ZNF624: variants seen among roughly 807,000 people sequenced by gnomAD.
ZNF624 encodes the protein zinc finger protein 624.
Under a neutral mutation model 74.7 loss-of-function variants are expected in ZNF624, and 43 were observed. The ratio of observed to expected loss-of-function variants is 0.58; its 90% confidence interval spans 0.45 to 0.74. ZNF624 has a LOEUF of 0.74. Ranked by LOEUF, ZNF624 falls within the 30% of genes least tolerant of loss-of-function variation. ZNF624 has a pLI of 0.00. For synonymous variants in ZNF624, 331 were observed against 341.3 expected (o/e 0.97, Z 0.33); for missense variants, 820 against 1,030.0 (o/e 0.80, Z 2.79).
In ZNF624 at chr17:16,620,786, ATTAAC is replaced by A. The variant is rs368211743; in HGVS notation, c.*1497_*1501del. On this transcript the variant is annotated 3_prime_UTR_variant, in exon 6 of 6. Transcript: ENST00000311331. The stretch of plus-strand genomic sequence containing the variant: ...ATTACAGGTTCATTGCAAGGAAAAA[ATTAAC>A]TTAAAAACACAGAAAAGAAAGTAAA... 2.4e-4 allele frequency: 37 copies of A among 152,332 alleles called. No homozygotes were observed. The East Asian group carries it at 6.0e-3, about 25-fold the overall frequency. 9.4% of individuals were successfully genotyped at this position (152,332 alleles called of 1,614,324 possible).
chr17:16,643,994 T>C (rs1239005204), intron 3 of ZNF624, among the ~76,000 whole-genome samples: 1 of 152,150 alleles, frequency 6.6e-6, no homozygotes, highest in Non-Finnish European at 1.5e-5. Context: ...TGGTAATGAG[T>C]GAGTTCTCCC....
At chr17:16,635,056 A>AAATAT (rs1909295409) in intron 3 of ZNF624, among the ~76,000 whole-genome samples, 1 of 152,178 alleles carries the variant, frequency 6.6e-6, no homozygotes, top group Non-Finnish European at 1.5e-5. Flanking sequence ...GTCAAACAGC[A>AAATAT]CGGTTTCCTC....
intron 3 of ZNF624, among the ~76,000 whole-genome samples, chr17:16,646,360 T>A (rs181211097): frequency 1.1e-4 from 17 of 152,342 alleles, no homozygotes; most frequent in African/African-American, 3.6e-4. Context: ...AATCTCAGAA[T>A]GTATTTTCTC....
chr17:16,618,362 T>C (rs984501525), downstream of ZNF624, among the ~76,000 whole-genome samples: 2 of 152,134 alleles, frequency 1.3e-5, no homozygotes, highest in Admixed American at 1.3e-4. Context: ...AAAGTATCTA[T>C]ATAAATGAAA....
At position 16,624,129 on chromosome 17, in the gene ZNF624, C is replaced by T. The variant is rs146366930; in HGVS notation, c.757G>A (p.Gly253Ser). Residue 253 changes from glycine to serine, a missense_variant, in exon 6 of 6, where the codon GGC (glycine) becomes AGC (serine). Coordinates refer to ENST00000311331, the MANE Select transcript of ZNF624 (RefSeq NM_020787.4). ...GAAGTCTGCCTTATGGCTTTGCTGC[C>T]TTTCATCTCCTTGCAAATTATCTTC... ...LGKIICKEMK[G>S]SKAIRQTSEL... The T allele has an allele frequency of 6.8e-6, 11 of 1,613,832 alleles. No individual in the cohort carries two copies. The highest frequency in any genetic ancestry group is 1.7e-5 in the Admixed American group (1 of 59,990).
intron 2 of ZNF624, among the ~76,000 whole-genome samples, chr17:16,647,723 G>A (rs1569048759): frequency 6.6e-6 from 1 of 152,104 alleles, no homozygotes; most frequent in Non-Finnish European, 1.5e-5. Context: ...CTATTTCTCA[G>A]AAAGTATCTA....
chr17:16,652,907 GC>G (rs1909761409), intron 1 of ZNF624, among the ~76,000 whole-genome samples: 1 of 152,208 alleles, frequency 6.6e-6, no homozygotes, highest in South Asian at 2.1e-4. Flanking sequence ...CATGACAGTA[GC>G]CACCTTATAT....
At chr17:16,616,921 C>G, downstream of ZNF624, 1 of 1,537,666 alleles carries the variant, frequency 6.5e-7, no homozygotes, top group Non-Finnish European at 8.9e-7. Context: ...TGAAGTAGCT[C>G]TTTTTGGTGG....
rs1332751552 is a variant in ZNF624 at position 16,622,229 on chromosome 17, ATATAGTT to A, written c.*52_*58del. The A allele has an allele frequency of 7.5e-7, 1 of 1,327,716 alleles. No homozygotes were observed. Among genetic ancestry groups the A allele is most frequent in the Admixed American group, 2.6e-5 (1 of 38,928 alleles). 82.2% of individuals were successfully genotyped at this position (1,327,716 alleles called of 1,614,324 possible). On this transcript the variant is annotated 3_prime_UTR_variant, in exon 6 of 6. Coordinates refer to ENST00000311331, the MANE Select transcript of ZNF624 (RefSeq NM_020787.4). ...ATGAAGATTTTCCTATATTCATAAAATATAGTTTATAAGATTCATCTTGTGGAGTTGA... is the reference window on the plus strand; with the variant it reads ...ATGAAGATTTTCCTATATTCATAAAATATAAGATTCATCTTGTGGAGTTGA...
intron 2 of ZNF624, among the ~76,000 whole-genome samples, chr17:16,649,242 CA>C (rs1399077752): frequency 6.6e-6 from 1 of 152,132 alleles, no homozygotes; most frequent in African/African-American, 2.4e-5. Context: ...GAGAGTGGCA[CA>C]AGGGGAATGG....
At chr17:16,614,625 C>G in the ZNF624 span, among the ~76,000 whole-genome samples, 1 of 152,126 alleles carries the variant, frequency 6.6e-6, no homozygotes, top group Non-Finnish European at 1.5e-5. Context: ...TCTTACACAT[C>G]TTACCCACAC....
chr17:16,624,541 C>G (rs780552163), intron 5 of ZNF624, 32 bp from the exon 6 acceptor site: 1 of 1,527,372 alleles, frequency 6.5e-7, no homozygotes, highest in Non-Finnish European at 8.8e-7. Context: ...TCAAGTAATT[C>G]CTTTCCTAAG....
In ZNF624 at chr17:16,623,152, A is replaced by G. The variant is rs1908967043; in HGVS notation, c.1734T>C (p.His578=). The stretch of plus-strand genomic sequence containing the variant: ...TGCACAGATAAGGTTTCTCTTCAGT[A>G]TGAATACGCTGATGTATAATTAGAG... ...SSSLIIHQRI[H]TEEKPYLCNE... is the part of the protein sequence containing the mutation. The change falls in exon 6 of 6, where the codon CAT becomes CAC. Residue 578 remains histidine (H), a synonymous_variant. Coordinates refer to ENST00000311331, the MANE Select transcript of ZNF624 (RefSeq NM_020787.4). The surrounding 1 kb of genome is among the most constrained non-coding windows in gnomAD (Gnocchi z 5.3). The G allele has an allele frequency of 1.2e-6, 2 of 1,613,960 alleles. No homozygotes were observed. Among genetic ancestry groups the G allele is most frequent in the East Asian group, 2.2e-5 (1 of 44,856 alleles).
chr17:16,618,516 A>G (rs1908836538), downstream of ZNF624, among the ~76,000 whole-genome samples: 1 of 152,196 alleles, frequency 6.6e-6, no homozygotes, highest in Admixed American at 6.5e-5. Flanking sequence ...ATCATTCAAC[A>G]ATGTATATGA....
intron 5 of ZNF624, chr17:16,631,482 T>C (rs1333545740): frequency 6.6e-6 from 1 of 152,112 alleles, no homozygotes; most frequent in Non-Finnish European, 1.5e-5. Context: ...TCCCAGCAAT[T>C]TGGGAGGACG....
At position 16,622,022 on chromosome 17, in the gene ZNF624, T is replaced by C. The variant is rs1487487791; in HGVS notation, c.*266A>G. On this transcript the variant is annotated 3_prime_UTR_variant, in exon 6 of 6. Transcript: ENST00000311331. ...ATAGAAAAATAGGCAAATACATATATAGGCAATTAACTAAAGATAATTTGT... is the reference window on the plus strand; with the variant it reads ...ATAGAAAAATAGGCAAATACATATACAGGCAATTAACTAAAGATAATTTGT... 2 of 251,496 alleles carry C rather than the reference T, an allele frequency of 8.0e-6. No homozygotes were observed. Among genetic ancestry groups the C allele is most frequent in the Non-Finnish European group, 1.5e-5 (2 of 132,638 alleles). The allele number at this position is 251,496 out of a possible 1,614,324, so 15.6% of individuals were successfully genotyped here.
downstream of ZNF624, among the ~76,000 whole-genome samples, chr17:16,618,591 AC>A (rs1333539220): frequency 1.3e-5 from 2 of 152,200 alleles, no homozygotes; most frequent in Non-Finnish European, 2.9e-5. Context: ...CATACAGTTT[AC>A]CCTTGAGCAC....
chr17:16,642,190 T>C (rs1053477499), intron 3 of ZNF624, among the ~76,000 whole-genome samples: 2 of 152,188 alleles, frequency 1.3e-5, no homozygotes, highest in South Asian at 2.1e-4. Context: ...ATTTGTTTTT[T>C]TAAAACAATA....
chr17:16,624,378 T>C lies in ZNF624; in HGVS notation c.508A>G (p.Lys170Glu), dbSNP rs1212421435. 1 of 1,614,008 alleles carries C rather than the reference T, an allele frequency of 6.2e-7. No homozygotes were observed. Among genetic ancestry groups the C allele is most frequent in the Non-Finnish European group, 8.5e-7 (1 of 1,180,002 alleles). Residue 170 changes from lysine (K) to glutamate (E), a missense_variant, in exon 6 of 6, where the codon AAA becomes GAA. By Grantham distance (56) the Lys-to-Glu change is moderately conservative. Transcript: ENST00000311331. The part of the protein sequence containing the change: ...LWDSRMEGLW[K>E]WNDRILRLQN... ...AATCTCAATATCCTATCATTCCATT[T>C]CCATAACCCTTCCATTCTGGAATCC...
Sources: allele counts gnomAD v4.1 joint callset (sites outside exome capture counted in the v4.1 genomes callset), GRCh38; gene constraint gnomAD v4.1.1; non-coding constraint Gnocchi (gnomAD v3.1); transcripts MANE v1.5; gene names NCBI Gene and HGNC (gene_info 2026-07-23, HGNC 2026-07-21).